ELFN1: variants seen among roughly 807,000 people sequenced by gnomAD.
The protein encoded by ELFN1 is extracellular leucine rich repeat and fibronectin type III domain containing 1.
A neutral mutation model predicts 7.6 loss-of-function variants in ELFN1; 6 were observed. The ratio of observed to expected loss-of-function variants is 0.79; its 90% CI spans 0.43 to 1.56. ELFN1 has a LOEUF of 1.56. ELFN1 is among the 40% of genes most tolerant of loss of function. ELFN1 has a pLI of 0.01. For synonymous variants in ELFN1, 657 were observed against 588.1 expected, an observed-to-expected ratio of 1.12 and a Z score of -1.70; for missense variants, 1,169 against 1,232.2, an observed-to-expected ratio of 0.95 and a Z score of 0.77.
chr7:1,705,070 G>A lies in ELFN1; in HGVS notation c.-455-4021G>A, dbSNP rs1049880868. Among the ~76,000 whole-genome samples, 11 of 152,236 alleles carry A rather than the reference G, an allele frequency of 7.2e-5. No individual in the cohort carries two copies. The highest frequency in any genetic ancestry group is 7.2e-4 in the Admixed American group (11 of 15,306). ...AGAGGTGGAGACCTGCTGGGGTGGG[G>A]GGCGCGTACTGGAGAACAGAGGGAC... On this transcript the variant is annotated intron_variant, in intron 2 of 3. Transcript: ENST00000424383. The surrounding 1 kb of genome is among the most constrained non-coding windows in gnomAD (Gnocchi z 4.3).
In ELFN1 at chr7:1,745,269, G is replaced by A. The variant is rs572478110; in HGVS notation, c.673G>A (p.Val225Ile). 3.9e-6 allele frequency: 6 copies of A among 1,538,722 alleles called. No individual in the cohort carries two copies. Among genetic ancestry groups the A allele is most frequent in the East Asian group, 2.4e-5 (1 of 40,918 alleles). ...CCGCATGCAGTGCGAGTCGCCGCCC[G>A]TCTACTCCGGCTACTACCTCCTGGG... The part of the protein sequence containing the change: ...YDRMQCESPP[V>I]YSGYYLLGQG... The change falls in exon 4 of 4, where the codon GTC becomes ATC. Residue 225 changes from valine to isoleucine, a missense_variant. This residue lies in a region of ELFN1 where 255 missense variants were observed against 359.6 expected (regional missense o/e 0.71). Transcript: ENST00000424383.
rs1339286234 is a variant in ELFN1, at chr7:1,695,407, G to C, written c.-456+7257G>C. Among the ~76,000 whole-genome samples, 1 of 152,128 alleles carries C rather than the reference G, an allele frequency of 6.6e-6. No homozygotes were observed. The highest frequency in any genetic ancestry group is 2.4e-5 in the African/African-American group (1 of 41,416). On this transcript the variant is annotated intron_variant, in intron 2 of 3. Coordinates refer to ENST00000424383, the MANE Select transcript of ELFN1 (RefSeq NM_001128636.4). The surrounding 1 kb of genome is among the most constrained non-coding windows in gnomAD (Gnocchi z 5.1). ...GCACAAGCCTGGGCGAGTCTCGCTG[G>C]GAGGCAGGAGCAGACTCAGCCCGCC...
Position 1,746,054 on chromosome 7 carries a change from C to A in ELFN1, c.1458C>A (p.Gly486=), listed in dbSNP as rs1370287730. 6.5e-6 allele frequency: 10 copies of A among 1,546,892 alleles called. No individual in the cohort carries two copies. In the East Asian group the frequency reaches 2.5e-4, roughly 38 times the overall value. The stretch of plus-strand genomic sequence containing the variant: ...CCGGCCTGGCCCCGCTGTCCCAGGG[C>A]CCGCTGCTGGGCCCCGAGGCCGTGA... ...EAPGLAPLSQ[G]PLLGPEAVTR... The change falls in exon 4 of 4, where the codon GGC becomes GGA. Residue 486 remains glycine, a synonymous_variant. Coordinates refer to ENST00000424383, the MANE Select transcript of ELFN1 (RefSeq NM_001128636.4).
chr7:1,744,201 A>T, intron 3 of ELFN1, 103 bp from the exon 4 acceptor site: 1 of 234,664 alleles, frequency 4.3e-6, no homozygotes, highest in Non-Finnish European at 8.1e-6. Flanking sequence ...CGGAGCAGGG[A>T]CTCAGGCCAC....
intron 3 of ELFN1, among the ~76,000 whole-genome samples, chr7:1,715,544 C>T (rs544138617): frequency 2.3e-4 from 35 of 152,324 alleles, no homozygotes; most frequent in African/African-American, 8.2e-4. Flanking sequence ...GTCTCCTGCC[C>T]ACTTCTGCCT....
chr7:1,692,415 G>A (rs1779187107), intron 2 of ELFN1: 1 of 152,396 alleles, frequency 6.6e-6, no homozygotes, highest in African/African-American at 2.4e-5. Context: ...TCTCTCCCAA[G>A]CCTGGGCCGG....
intron 2 of ELFN1, among the ~76,000 whole-genome samples, chr7:1,701,087 G>T (rs1233383344): frequency 2.0e-5 from 3 of 151,958 alleles, no homozygotes; most frequent in African/African-American, 7.3e-5. Context: ...GCGTGTGTGT[G>T]TGCGCGTGTG....
intron 1 of ELFN1, among the ~76,000 whole-genome samples, chr7:1,671,860 A>C (rs947541702): frequency 6.6e-6 from 1 of 151,900 alleles, no homozygotes; most frequent in Admixed American, 6.5e-5. Context: ...GGAGGGGGTC[A>C]CCCCCTCACC....
Position 1,745,787 on chromosome 7 carries a change from C to T in ELFN1, c.1191C>T (p.Ile397=). The change falls in exon 4 of 4, where the codon ATC becomes ATT. Residue 397 remains isoleucine, a synonymous_variant. Transcript: ENST00000424383. ...GCCACAACCACACCTGCCTCACCAT[C>T]TGCTTGCCCCGGCTGCCCAGCCCGC... ...GLRHNHTCLT[I]CLPRLPSPPG... is the part of the protein sequence containing the mutation. 2 of 1,555,654 alleles carry T rather than the reference C, an allele frequency of 1.3e-6. No homozygotes were observed. The highest frequency in any genetic ancestry group is 1.9e-5 in the Admixed American group (1 of 51,318).
intron 3 of ELFN1, among the ~76,000 whole-genome samples, chr7:1,710,284 A>G (rs1484832103): frequency 1.3e-5 from 2 of 152,190 alleles, no homozygotes; most frequent in Non-Finnish European, 2.9e-5. Flanking sequence ...GGGACAGACA[A>G]TCTGTCTAGA....
At chr7:1,729,357 G>A (rs964183537) in intron 3 of ELFN1, among the ~76,000 whole-genome samples, 2 of 152,202 alleles carry the variant, frequency 1.3e-5, no homozygotes, top group Non-Finnish European at 2.9e-5. Context: ...TCTTGGGTCA[G>A]GCACTGGGAA....
chr7:1,746,791 G>T lies in ELFN1; in HGVS notation c.2195G>T (p.Arg732Leu), dbSNP rs764476363. The T allele has an allele frequency of 6.5e-6, 10 of 1,527,664 alleles. No individual in the cohort carries two copies. Among genetic ancestry groups the T allele is most frequent in the South Asian group, 2.4e-5 (2 of 81,958 alleles). 94.6% of individuals were successfully genotyped at this position (1,527,664 alleles called of 1,614,324 possible). A position where few individuals can be genotyped will look rare whatever the true frequency, so the allele number is the denominator to read the frequency against. Reference sequence around the variant, plus strand: ...CCGCCTCCGCACGAGGGCCTGGGGCGCAAGGCGTCCATCCTGGAGCCACTC... The same window carrying T: ...CCGCCTCCGCACGAGGGCCTGGGGCTCAAGGCGTCCATCCTGGAGCCACTC... ...PPPPPHEGLG[R>L]KASILEPLTR... Residue 732 changes from arginine to leucine, a missense_variant, in exon 4 of 4, where the codon CGC becomes CTC. Around this residue, in one of 2 missense-constraint regions of ELFN1, gnomAD observed 914 missense variants for 872.6 expected, o/e 1.05. Coordinates refer to ENST00000424383, the MANE Select transcript of ELFN1 (RefSeq NM_001128636.4).
chr7:1,701,080 TGTGTGTGTGCGC>T (rs1307067594), intron 2 of ELFN1, among the ~76,000 whole-genome samples: 2 of 149,960 alleles, frequency 1.3e-5, no homozygotes, highest in African/African-American at 2.5e-5. Flanking sequence ...TATGTGTGCG[TGTGTGTGTGCGC>T]GTGTGTGTGC....
upstream of ELFN1, among the ~76,000 whole-genome samples, chr7:1,668,560 C>T (rs4298396): frequency 0.067 from 10,159 of 152,314 alleles, 446 homozygotes; most frequent in Middle Eastern, 0.12. Context: ...GGGTAGCTTA[C>T]TGGGACCTTC....
intron 1 of ELFN1, among the ~76,000 whole-genome samples, chr7:1,672,610 TTCTC>T (rs1778788170): frequency 1.3e-5 from 2 of 152,132 alleles, no homozygotes. Flanking sequence ...GTTGGTGACT[TTCTC>T]TATCTGTTTC....
At chr7:1,717,010 A>G (rs532348925) in intron 3 of ELFN1, among the ~76,000 whole-genome samples, 48 of 152,300 alleles carry the variant, frequency 3.2e-4, no homozygotes, top group African/African-American at 9.6e-4. Flanking sequence ...CCCAGAGCTC[A>G]AGGAGCTGCT....
At chr7:1,744,226 G>A (rs949634834) in intron 3 of ELFN1, 78 bp from the exon 4 acceptor site, 13 of 262,706 alleles carry the variant, frequency 4.9e-5, no homozygotes, top group Admixed American at 5.5e-5. Flanking sequence ...GGATGCCGCC[G>A]CTGTGAGATG....
intron 3 of ELFN1, among the ~76,000 whole-genome samples, chr7:1,722,265 CT>C (rs35253681): frequency 0.013 from 1,739 of 135,248 alleles, 17 homozygotes; most frequent in African/African-American, 0.04. Context: ...TTAGGAGCCA[CT>C]TTTTTTTTTT....
chr7:1,709,396 A>G (rs1779603267), intron 3 of ELFN1, 144 bp downstream of exon 3: 1 of 152,284 alleles, frequency 6.6e-6, no homozygotes, highest in South Asian at 2.1e-4. Context: ...AGCGTTTCTT[A>G]GGGATTGACT....
Sources: allele counts gnomAD v4.1 joint callset (sites outside exome capture counted in the v4.1 genomes callset), GRCh38; gene constraint gnomAD v4.1.1; regional missense constraint gnomAD v4.1.1; non-coding constraint Gnocchi (gnomAD v3.1); transcripts MANE v1.5; gene names NCBI Gene and HGNC (gene_info 2026-07-23, HGNC 2026-07-21).